NPAS2: variants seen among roughly 807,000 people sequenced by gnomAD.
NPAS2 encodes the protein neuronal PAS domain protein 2, also known as neuronal PAS domain-containing protein 2.
NPAS2 carries 23 observed loss-of-function variants against 107.5 expected under a neutral mutation model. That is an observed-to-expected ratio of 0.21 (90% CI 0.15 to 0.30). The LOEUF (loss-of-function observed/expected upper bound fraction) is 0.30. Among genes scored for constraint, NPAS2 ranks in the 10% least tolerant of loss-of-function variants. NPAS2 has a pLI of 1.00. For missense variants in NPAS2, 756 were observed against 1,043.3 expected (o/e 0.72, Z 3.79); for synonymous variants, 403 against 417.5 (o/e 0.97, Z 0.42).
At chr2:100,861,936 T>G (rs934787386) in intron 1 of NPAS2, among the ~76,000 whole-genome samples, 1 of 152,196 alleles carries the variant, frequency 6.6e-6, no homozygotes, top group Non-Finnish European at 1.5e-5. Context: ...ATTGTCACTT[T>G]TTTTGTATTA....
At position 100,820,302 on chromosome 2, in the gene NPAS2, G is replaced by T; in HGVS notation, c.-135G>T. 1 of 139,854 alleles carries T rather than the reference G, an allele frequency of 7.2e-6. No homozygotes were observed. The highest frequency in any genetic ancestry group is 2.4e-4 in the South Asian group (1 of 4,194). The allele number at this position is 139,854 out of a possible 1,614,324, so 8.7% of individuals were successfully genotyped here. A position where few individuals can be genotyped will look rare whatever the true frequency, so the allele number is the denominator to read the frequency against. ...AGAGCAGCGCCTCCCGCCGCCGCCC[G>T]GGAGGAGCTCGCCGCGCCCGCTCGC... is the stretch of plus-strand genomic sequence containing the variant. On this transcript the variant is annotated 5_prime_UTR_variant, in exon 1 of 21. Transcript: ENST00000335681. This position sits in a 1 kb window ranked among gnomAD's most constrained non-coding sequence, Gnocchi z 5.6.
At chr2:100,930,028 T>A (rs1337288769) in intron 3 of NPAS2, among the ~76,000 whole-genome samples, 2 of 152,238 alleles carry the variant, frequency 1.3e-5, no homozygotes, top group African/African-American at 4.8e-5. Flanking sequence ...TGATTCTTTG[T>A]AGCAAAATTT....
In NPAS2 at chr2:100,977,736, C is replaced by G. The variant is rs1208146381; in HGVS notation, c.1419C>G (p.Cys473Trp). The G allele has an allele frequency of 1.2e-6, 2 of 1,614,168 alleles. No individual in the cohort carries two copies. Among genetic ancestry groups the G allele is most frequent in the African/African-American group, 2.7e-5 (2 of 75,062 alleles). The change falls in exon 15 of 21, where the codon TGC becomes TGG. Residue 473 changes from cysteine (C) to tryptophan (W), a missense_variant. Cys to Trp is a radical substitution (Grantham distance 215). This residue lies in a region of NPAS2 where 496 missense variants were observed against 594.4 expected (regional missense o/e 0.83). Coordinates refer to ENST00000335681, the MANE Select transcript of NPAS2 (RefSeq NM_002518.4). ...MPAPLPSPSSCDLTQQLLPQT... is the reference protein window; with the variant it reads ...MPAPLPSPSSWDLTQQLLPQT... ...CCCCTCTGCCTTCCCCATCGTCCTG[C>G]GACCTCACACAGCAGCTCCTGCCTC... is the stretch of plus-strand genomic sequence containing the variant.
At chr2:100,974,484 G>T (rs901113227) in intron 12 of NPAS2, among the ~76,000 whole-genome samples, 1 of 152,090 alleles carries the variant, frequency 6.6e-6, no homozygotes, top group Admixed American at 6.5e-5. Context: ...CCCCCTTCTT[G>T]GAAAGTCAAG....
At chr2:100,916,055 C>T (rs1682863891) in intron 2 of NPAS2, among the ~76,000 whole-genome samples, 1 of 151,988 alleles carries the variant, frequency 6.6e-6, no homozygotes, top group African/African-American at 2.4e-5. Context: ...TTGTATATTA[C>T]AGTCCCTAGA....
intron 1 of NPAS2, among the ~76,000 whole-genome samples, chr2:100,862,255 G>A (rs2104532536): frequency 6.6e-6 from 1 of 152,306 alleles, no homozygotes; most frequent in Admixed American, 6.5e-5. Context: ...TCAGACCTCG[G>A]AAGGGGATCT....
chr2:100,938,462 A>G (rs1179410808), intron 5 of NPAS2, among the ~76,000 whole-genome samples: 1 of 142,664 alleles, frequency 7.0e-6, no homozygotes, highest in Non-Finnish European at 1.5e-5. Context: ...AAGGTGGCAG[A>G]AGGGGCTGTG....
intron 15 of NPAS2, 143 bp downstream of exon 15, chr2:100,977,942 G>A (rs996265876): frequency 1.9e-5 from 13 of 673,058 alleles, no homozygotes; most frequent in Admixed American, 7.1e-5. Context: ...GGCCTGTGTC[G>A]AGCCATGAGG....
At chr2:100,940,755 G>A (rs901037697) in intron 5 of NPAS2, among the ~76,000 whole-genome samples, 10 of 152,200 alleles carry the variant, frequency 6.6e-5, no homozygotes, top group African/African-American at 2.4e-4. Flanking sequence ...TTGAACTCAG[G>A]CACTTTGGCT....
intron 7 of NPAS2, among the ~76,000 whole-genome samples, chr2:100,952,984 G>C (rs1464998880): frequency 6.6e-6 from 1 of 152,016 alleles, no homozygotes; most frequent in Non-Finnish European, 1.5e-5. Flanking sequence ...GCTTTCTTGA[G>C]ACAAGAGTTC....
intron 2 of NPAS2, among the ~76,000 whole-genome samples, chr2:100,915,358 G>C (rs572181813): frequency 2.0e-5 from 3 of 152,308 alleles, no homozygotes; most frequent in African/African-American, 7.2e-5. Flanking sequence ...CAGCTTTCTG[G>C]CCAACGGAAC....
At chr2:100,960,531 T>C (rs1240691224) in intron 7 of NPAS2, among the ~76,000 whole-genome samples, 1 of 151,982 alleles carries the variant, frequency 6.6e-6, no homozygotes, top group Non-Finnish European at 1.5e-5. Context: ...CTGTTTTCCA[T>C]CACAGAGTGG....
chr2:100,951,880 T>G (rs1675242610), intron 7 of NPAS2, among the ~76,000 whole-genome samples: 1 of 152,150 alleles, frequency 6.6e-6, no homozygotes. Context: ...CCAGGCGCGG[T>G]GGCTCACACC....
intron 7 of NPAS2, among the ~76,000 whole-genome samples, chr2:100,953,070 A>G (rs1675334814): frequency 7.5e-6 from 1 of 133,806 alleles, no homozygotes; most frequent in African/African-American, 2.8e-5. Context: ...AGACAAATGA[A>G]TTTCTCAGGT....
In NPAS2 at chr2:100,971,017, G is replaced by T. The variant is rs780664004; in HGVS notation, c.1083G>T (p.Arg361Ser). The change falls in exon 12 of 21, where the codon AGG (arginine) becomes AGT (serine). Residue 361 changes from arginine to serine, a missense_variant. Physicochemically the swap from Arg to Ser is moderately radical, Grantham distance 110. This residue lies in a region of NPAS2 where 84 missense variants were observed against 175.5 expected (regional missense o/e 0.48). Transcript: ENST00000335681. Reference protein sequence around the residue: ...VSYADVRVERRQELALEDPPS... With the variant: ...VSYADVRVERSQELALEDPPS... ...ACGCAGATGTCCGGGTGGAAAGGAG[G>T]CAGGAGCTGGCTCTGGAAGACCCGC... 13 of 1,614,038 alleles carry T rather than the reference G, an allele frequency of 8.1e-6. No homozygotes were observed. The Admixed American group carries it at 2.2e-4, about 27-fold the overall frequency.
At chr2:100,979,495 TA>T in intron 15 of NPAS2, among the ~76,000 whole-genome samples, 1 of 59,712 alleles carries the variant, frequency 1.7e-5, no homozygotes, top group African/African-American at 8.6e-5. Flanking sequence ...TATATATATA[TA>T]TATATATTTT....
chr2:100,930,234 T>C (rs1201575989), intron 3 of NPAS2, among the ~76,000 whole-genome samples: 1 of 152,196 alleles, frequency 6.6e-6, no homozygotes, highest in East Asian at 1.9e-4. Context: ...CTTTAATGTG[T>C]CTGTCTTCAT....
intron 1 of NPAS2, among the ~76,000 whole-genome samples, chr2:100,874,469 C>A (rs973812532): frequency 1.3e-4 from 19 of 151,938 alleles, no homozygotes; most frequent in Admixed American, 2.6e-4. Flanking sequence ...GGGCTGGGCA[C>A]GGTGGCTCAT....
intron 1 of NPAS2, among the ~76,000 whole-genome samples, chr2:100,895,664 C>T (rs1234285625): frequency 6.6e-6 from 1 of 152,164 alleles, no homozygotes; most frequent in Non-Finnish European, 1.5e-5. Flanking sequence ...ATTAGATTCC[C>T]CAGCTGGTCT....
Sources: gnomAD v4.1 joint callset for allele counts (sites outside exome capture counted in the v4.1 genomes callset) on GRCh38, gnomAD v4.1.1 for gene constraint, gnomAD v4.1.1 regional missense constraint, Gnocchi (gnomAD v3.1) non-coding constraint, MANE v1.5 for transcripts, NCBI Gene and HGNC (gene_info 2026-07-23, HGNC 2026-07-21) for gene names.